HDAC4: variants seen among roughly 807,000 people sequenced by gnomAD.
HDAC4 encodes histone deacetylase A.
Under a neutral mutation model 135.1 loss-of-function variants are expected in HDAC4, and 16 were observed. That is an observed-to-expected ratio of 0.12 (90% CI 0.08 to 0.18). The LOEUF is 0.18. Among genes scored for constraint, HDAC4 ranks in the 10% least tolerant of loss-of-function variants. HDAC4 has a pLI of 1.00. For missense variants in HDAC4, 1,143 were observed against 1,511.8 expected, an observed-to-expected ratio of 0.76 and a Z score of 4.05; for synonymous variants, 685 against 653.4, an observed-to-expected ratio of 1.05 and a Z score of -0.74.
chr2:239,077,947 C>G (rs2152668389), intron 22 of HDAC4, among the ~76,000 whole-genome samples: 1 of 152,336 alleles, frequency 6.6e-6, no homozygotes, highest in East Asian at 1.9e-4. Flanking sequence ...ATTCGTGAAG[C>G]TATCACAGTT....
At chr2:239,053,856 C>T (rs2031314564) in intron 25 of HDAC4, among the ~76,000 whole-genome samples, 1 of 152,148 alleles carries the variant, frequency 6.6e-6, no homozygotes, top group Non-Finnish European at 1.5e-5. Context: ...CCTAGGACTG[C>T]AGAGGGAGGC....
chr2:239,272,233 A>G (rs893535852), intron 2 of HDAC4, among the ~76,000 whole-genome samples: 7 of 152,226 alleles, frequency 4.6e-5, no homozygotes, highest in African/African-American at 1.4e-4. Flanking sequence ...GGGGGCCCAC[A>G]TCATCGTTCC....
At chr2:239,109,407 G>A (rs775874212) in intron 14 of HDAC4, among the ~76,000 whole-genome samples, 19 of 152,180 alleles carry the variant, frequency 1.2e-4, no homozygotes, top group Non-Finnish European at 2.1e-4. Context: ...TGGGAACACA[G>A]GCAGCATCCC....
At chr2:239,149,832 G>A (rs957172280) in intron 7 of HDAC4, among the ~76,000 whole-genome samples, 6 of 152,120 alleles carry the variant, frequency 3.9e-5, no homozygotes, top group Non-Finnish European at 5.9e-5. Flanking sequence ...AGAATGAACT[G>A]CAACACCATC....
At chr2:239,216,956 T>G (rs550500105) in intron 3 of HDAC4, among the ~76,000 whole-genome samples, 2 of 152,340 alleles carry the variant, frequency 1.3e-5, no homozygotes, top group South Asian at 2.1e-4. Flanking sequence ...GAGAAGTAAG[T>G]AGCAAAAGAC....
intron 1 of HDAC4, among the ~76,000 whole-genome samples, chr2:239,354,169 T>G (rs1484391287): frequency 6.6e-6 from 1 of 152,238 alleles, no homozygotes; most frequent in East Asian, 1.9e-4. Context: ...TACAGCTGTC[T>G]ATCACGTTCT....
chr2:239,318,476 G>C (rs2053193980), intron 2 of HDAC4, among the ~76,000 whole-genome samples: 1 of 152,190 alleles, frequency 6.6e-6, no homozygotes, highest in Non-Finnish European at 1.5e-5. Flanking sequence ...TGCAGGGCCT[G>C]TCATCTGCTG....
intron 17 of HDAC4, chr2:239,094,166 C>A (rs981523291): frequency 2.0e-6 from 2 of 985,450 alleles, no homozygotes; most frequent in South Asian, 4.7e-5. Context: ...TGGTGATTCG[C>A]GGCACTGCAG....
At chr2:239,070,775 GA>G (rs2034107881) in intron 22 of HDAC4, among the ~76,000 whole-genome samples, 1 of 152,180 alleles carries the variant, frequency 6.6e-6, no homozygotes. Context: ...AAAGTTCGTG[GA>G]AAAATTGAAT....
At chr2:239,079,330 A>T (rs1456634861) in intron 22 of HDAC4, among the ~76,000 whole-genome samples, 1 of 152,244 alleles carries the variant, frequency 6.6e-6, no homozygotes, top group Non-Finnish European at 1.5e-5. Context: ...TCAGGTACAG[A>T]TCAGGGCAGG....
chr2:239,295,182 C>T (rs1017864022), intron 2 of HDAC4, among the ~76,000 whole-genome samples: 2 of 150,264 alleles, frequency 1.3e-5, no homozygotes, highest in African/African-American at 4.9e-5. Flanking sequence ...TGGCGGGCGC[C>T]TGTAGTCCCA....
intron 1 of HDAC4, among the ~76,000 whole-genome samples, chr2:239,380,622 A>G (rs1351821159): frequency 1.3e-5 from 2 of 152,220 alleles, no homozygotes; most frequent in Non-Finnish European, 2.9e-5. Flanking sequence ...TGGGTGCACA[A>G]CCACGTGAAT....
At chr2:239,142,318 G>A (rs1444790476) in intron 8 of HDAC4, among the ~76,000 whole-genome samples, 2 of 152,048 alleles carry the variant, frequency 1.3e-5, no homozygotes, top group Non-Finnish European at 2.9e-5. Flanking sequence ...TCTGGAAATC[G>A]GCTCCACTCC....
At position 239,233,855 on chromosome 2, in the gene HDAC4, G is replaced by A. The variant is rs376686276; in HGVS notation, c.94+2738C>T. On this transcript the variant is annotated intron_variant, in intron 3 of 26. Coordinates refer to ENST00000543185, the MANE Select transcript of HDAC4 (RefSeq NM_001378414.1). ...GGAGTCATTCCTGACAATTGAGTGT[G>A]TGTGTGTATCAGTCTGTTTCCACAC... Among the ~76,000 whole-genome samples the A allele has an allele frequency of 1.8e-4, 27 of 152,350 alleles. No individual in the cohort carries two copies. In the South Asian group the frequency reaches 4.8e-3, roughly 27 times the overall value.
At chr2:239,119,924 C>T (rs1451747775) in intron 12 of HDAC4, among the ~76,000 whole-genome samples, 1 of 151,262 alleles carries the variant, frequency 6.6e-6, no homozygotes, top group Non-Finnish European at 1.5e-5. Flanking sequence ...CAGTGGGGAC[C>T]ACCCGTGGAC....
At chr2:239,127,292 T>G (rs1397085049) in intron 11 of HDAC4, among the ~76,000 whole-genome samples, 1 of 152,250 alleles carries the variant, frequency 6.6e-6, no homozygotes, top group Non-Finnish European at 1.5e-5. Flanking sequence ...AAGATCTGGC[T>G]AATCCCTGCC....
chr2:239,148,754 CCCGGGAGAGGAGGCGGGGGCCAGG>C (rs2041921230), intron 7 of HDAC4, among the ~76,000 whole-genome samples: 1 of 152,200 alleles, frequency 6.6e-6, no homozygotes, highest in Non-Finnish European at 1.5e-5. Context: ...GGCCACGGAG[CCCGGGAGAGGAGGCGGGGGCCAGG>C]CCGGGAGAGC....
intron 20 of HDAC4, among the ~76,000 whole-genome samples, chr2:239,083,392 C>G (rs2035549055): frequency 6.6e-6 from 1 of 152,224 alleles, no homozygotes; most frequent in Admixed American, 6.5e-5. Flanking sequence ...ATCCCCTGAC[C>G]TGCCTCTCCG....
At chr2:239,089,615 C>T (rs544211828) in intron 18 of HDAC4, 40 of 179,310 alleles carry the variant, frequency 2.2e-4, no homozygotes, top group Non-Finnish European at 4.3e-4. Flanking sequence ...GTGTGAGCCA[C>T]TGTGCCCGGT....
Sources: allele counts gnomAD v4.1 joint callset (sites outside exome capture counted in the v4.1 genomes callset), GRCh38; gene constraint gnomAD v4.1.1; transcripts MANE v1.5; gene names NCBI Gene and HGNC (gene_info 2026-07-23, HGNC 2026-07-21).